KDM4C: variants seen among roughly 807,000 people sequenced by gnomAD.
KDM4C encodes the protein lysine-specific demethylase 4C.
KDM4C carries 81 observed loss-of-function variants against 129.3 expected under a neutral mutation model. That is an observed-to-expected ratio of 0.63 (90% CI 0.52 to 0.75). The LOEUF is 0.75. Among genes scored for constraint, KDM4C ranks in the 30% least tolerant of loss-of-function variants. The pLI is 0.00. For missense variants in KDM4C, 1,457 were observed against 1,304.0 expected (o/e 1.12, Z -1.81); for synonymous variants, 573 against 456.1 (o/e 1.26, Z -3.26).
At chr9:6,734,226 C>A (rs1241627218) in intron 1 of KDM4C, among the ~76,000 whole-genome samples, 1 of 150,820 alleles carries the variant, frequency 6.6e-6, no homozygotes, top group East Asian at 1.9e-4. Context: ...CTTTTCTAGG[C>A]TGCTACCTGG....
chr9:7,026,625 C>T (rs751624134), intron 15 of KDM4C, among the ~76,000 whole-genome samples: 10 of 152,112 alleles, frequency 6.6e-5, no homozygotes, highest in African/African-American at 2.2e-4. Context: ...ACATTAATAT[C>T]ATTCCCTAGG....
intron 5 of KDM4C, among the ~76,000 whole-genome samples, chr9:6,851,088 A>G (rs1479722080): frequency 6.6e-6 from 1 of 152,184 alleles, no homozygotes; most frequent in Non-Finnish European, 1.5e-5. Context: ...TCTAGGACTC[A>G]TACAGGCTCC....
intron 4 of KDM4C, among the ~76,000 whole-genome samples, chr9:6,821,369 C>G (rs1311545273): frequency 6.6e-6 from 1 of 152,186 alleles, no homozygotes; most frequent in East Asian, 1.9e-4. Context: ...TTTCCACATC[C>G]TCTCCAGCAT....
chr9:6,974,820 C>G (rs1024693535), intron 8 of KDM4C: 1 of 152,192 alleles, frequency 6.6e-6, no homozygotes, highest in Admixed American at 6.5e-5. Flanking sequence ...AACAAAACAA[C>G]TTTATCTACC....
intron 15 of KDM4C, among the ~76,000 whole-genome samples, chr9:7,022,692 G>C (rs1221417905): frequency 7.0e-6 from 1 of 143,474 alleles, no homozygotes; most frequent in African/African-American, 2.6e-5. Flanking sequence ...CTGTGTTGAA[G>C]AACAGTGTTG....
Position 7,015,784 on chromosome 9 carries a change from G to A in KDM4C, c.2183-69G>A. ...TAGTGTCCCATTTTTATTTATTTCA[G>A]TACTGAGATCTGCAATATTTTAAAG... On this transcript the variant is annotated intron_variant, in intron 14 of 21. Transcript: ENST00000381309. The A allele has an allele frequency of 3.9e-6, 4 of 1,036,276 alleles. 1 individual carries two copies. The highest frequency in any genetic ancestry group is 1.3e-5 in the South Asian group (1 of 76,374). The allele number at this position is 1,036,276 out of a possible 1,614,324, so 64.2% of individuals were successfully genotyped here. A position where few individuals can be genotyped will look rare whatever the true frequency, so the allele number is the denominator to read the frequency against.
chr9:6,894,221 A>T (rs10815477), intron 8 of KDM4C, among the ~76,000 whole-genome samples: 66,921 of 151,796 alleles, frequency 0.44, 15,265 homozygotes, highest in Middle Eastern at 0.59. Flanking sequence ...ATATTAAAAG[A>T]TAAATAAAAT....
intron 12 of KDM4C, among the ~76,000 whole-genome samples, chr9:7,003,344 A>G (rs1463112722): frequency 6.6e-6 from 1 of 151,856 alleles, no homozygotes; most frequent in African/African-American, 2.4e-5. Context: ...ATATGAGCTA[A>G]TGTTCTGTAA....
At chr9:7,045,470 A>C (rs935523077) in intron 15 of KDM4C, among the ~76,000 whole-genome samples, 3 of 152,040 alleles carry the variant, frequency 2.0e-5, no homozygotes, top group Admixed American at 1.3e-4. Flanking sequence ...TACTGGAAAA[A>C]TACCTAAAAT....
At chr9:6,782,562 A>T (rs1423868128) in intron 1 of KDM4C, among the ~76,000 whole-genome samples, 1 of 152,064 alleles carries the variant, frequency 6.6e-6, no homozygotes, top group Non-Finnish European at 1.5e-5. Flanking sequence ...AACGGCGTAC[A>T]CGTGACACAT....
At chr9:6,981,605 C>G (rs1328004016) in intron 9 of KDM4C, among the ~76,000 whole-genome samples, 1 of 152,180 alleles carries the variant, frequency 6.6e-6, no homozygotes, top group Admixed American at 6.5e-5. Context: ...TAAAACACAG[C>G]ATATAGCATT....
At chr9:6,791,622 C>T (rs577250617) in intron 1 of KDM4C, among the ~76,000 whole-genome samples, 17 of 152,332 alleles carry the variant, frequency 1.1e-4, no homozygotes, top group African/African-American at 4.1e-4. Context: ...TTAACATTCT[C>T]TACTCAGCCT....
chr9:6,973,124 G>C lies in KDM4C; in HGVS notation c.922-7801G>C, dbSNP rs192769153. Among the ~76,000 whole-genome samples, 43 of 152,310 alleles carry C rather than the reference G, an allele frequency of 2.8e-4. 1 individual carries two copies. The highest frequency in any genetic ancestry group is 2.1e-3 in the Admixed American group (32 of 15,292). The stretch of plus-strand genomic sequence containing the variant: ...TTTATGGAGAAGTTTGGCTGAAAAA[G>C]TATGTTTTGTCATTGAATTGTCAAA... On this transcript the variant is annotated intron_variant, in intron 8 of 21. Transcript: ENST00000381309.
intron 17 of KDM4C, among the ~76,000 whole-genome samples, chr9:7,049,852 A>G (rs537637594): frequency 6.6e-6 from 1 of 152,208 alleles, no homozygotes; most frequent in East Asian, 1.9e-4. Flanking sequence ...TCCTTAGTTT[A>G]GGCCCTTATA....
intron 1 of KDM4C, among the ~76,000 whole-genome samples, chr9:6,735,728 T>G (rs923972849): frequency 6.6e-6 from 1 of 152,186 alleles, no homozygotes; most frequent in African/African-American, 2.4e-5. Flanking sequence ...CAGGTATGTC[T>G]TTATCAGCAG....
At chr9:7,018,268 A>G (rs551210200) in intron 15 of KDM4C, among the ~76,000 whole-genome samples, 1 of 152,322 alleles carries the variant, frequency 6.6e-6, no homozygotes, top group Non-Finnish European at 1.5e-5. Context: ...AACATAGAAA[A>G]GGTACAAAAG....
intron 11 of KDM4C, among the ~76,000 whole-genome samples, chr9:6,988,704 C>CCATT: frequency 6.6e-6 from 1 of 150,572 alleles, no homozygotes; most frequent in East Asian, 1.9e-4. Context: ...ATCCATCCAT[C>CCATT]CATTCATCTT....
At chr9:7,107,382 A>G (rs1837811115) in intron 18 of KDM4C, among the ~76,000 whole-genome samples, 1 of 152,276 alleles carries the variant, frequency 6.6e-6, no homozygotes, top group African/African-American at 2.4e-5. Context: ...TACTTCTGCA[A>G]AATATAGCAC....
chr9:7,091,345 C>G (rs1174249097), intron 17 of KDM4C, among the ~76,000 whole-genome samples: 1 of 151,906 alleles, frequency 6.6e-6, no homozygotes, highest in Non-Finnish European at 1.5e-5. Context: ...TTTCGGCAAA[C>G]TTCACACAAG....
Sources: gnomAD v4.1 joint callset for allele counts (sites outside exome capture counted in the v4.1 genomes callset) on GRCh38, gnomAD v4.1.1 for gene constraint, MANE v1.5 for transcripts, NCBI Gene and HGNC (gene_info 2026-07-23, HGNC 2026-07-21) for gene names.